The following TUSC3 variants were observed in gnomAD, a reference collection of about 807,000 sequenced individuals.
TUSC3 encodes the protein dolichyl-diphosphooligosaccharide--protein glycosyltransferase subunit TUSC3.
A neutral mutation model predicts 44.8 loss-of-function variants in TUSC3; 45 were observed. The ratio of observed to expected loss-of-function variants is 1.00; its 90% CI spans 0.79 to 1.29. The LOEUF is 1.29. Ranked by LOEUF, TUSC3 falls within the 50% of genes most tolerant of loss-of-function variation. The probability of loss-of-function intolerance (pLI) is 0.00; values close to 1 mark genes in which losing one functional copy is unlikely to be tolerated. For missense variants in TUSC3, 519 were observed against 437.9 expected, an observed-to-expected ratio of 1.19 and a Z score of -1.65; for synonymous variants, 212 against 152.9, an observed-to-expected ratio of 1.39 and a Z score of -2.85.
rs570063203 is a variant in TUSC3, at chr8:15,575,827, CA to C, written c.138+35260del. ...TGCAAATATTATACATAGTTTATATCATTTTTTTGTGGAAATTATACATGTT... is the reference window on the plus strand; with the variant it reads ...TGCAAATATTATACATAGTTTATATCTTTTTTTGTGGAAATTATACATGTT... On this transcript the variant is annotated intron_variant, in intron 1 of 10. Transcript: ENST00000503731. Among the ~76,000 whole-genome samples the C allele has an allele frequency of 7.6e-4, 116 of 152,068 alleles. 1 individual carries two copies. The highest frequency in any genetic ancestry group is 3.4e-3 in the Middle Eastern group (1 of 294).
intron 5 of TUSC3, among the ~76,000 whole-genome samples, chr8:15,664,021 C>T (rs1807542632): frequency 6.6e-6 from 1 of 151,776 alleles, no homozygotes; most frequent in South Asian, 2.1e-4. Context: ...ATTCTTATTC[C>T]TCAAGAAGAG....
At chr8:15,520,522 CAA>C in intron 2 of TUSC3, among the ~76,000 whole-genome samples, 1 of 152,276 alleles carries the variant, frequency 6.6e-6, no homozygotes, top group African/African-American at 2.4e-5. Flanking sequence ...TCTATGAAAT[CAA>C]AAGAGTCCTA....
chr8:15,736,803 A>G (rs2604340), intron 7 of TUSC3, among the ~76,000 whole-genome samples: 105,642 of 151,942 alleles, frequency 0.7, 37,035 homozygotes, highest in Admixed American at 0.73. Flanking sequence ...AACCAGATCA[A>G]ATTAGTTTCC....
At position 15,620,923 on chromosome 8, in the gene TUSC3, A is replaced by G. The variant is rs538159879; in HGVS notation, c.139-2157A>G. Reference sequence around the variant, plus strand: ...CATATTTGGTATAAATGGGATTTTTAAATGAGAAAAACAGTAAGATTATTG... The same window carrying G: ...CATATTTGGTATAAATGGGATTTTTGAATGAGAAAAACAGTAAGATTATTG... On this transcript the variant is annotated intron_variant, in intron 1 of 10. Coordinates refer to ENST00000503731, the MANE Select transcript of TUSC3 (RefSeq NM_006765.4). Among the ~76,000 whole-genome samples, 12 of 152,262 alleles carry G rather than the reference A, an allele frequency of 7.9e-5. No homozygotes were observed. The East Asian group carries it at 2.3e-3, about 29-fold the overall frequency.
intron 6 of TUSC3, among the ~76,000 whole-genome samples, chr8:15,703,879 A>G (rs995469489): frequency 6.6e-6 from 1 of 152,130 alleles, no homozygotes; most frequent in African/African-American, 2.4e-5. Context: ...ATAGCACTGT[A>G]TTCATTAGCT....
chr8:15,546,170 ATTTC>A, intron 1 of TUSC3, among the ~76,000 whole-genome samples: 1 of 151,866 alleles, frequency 6.6e-6, no homozygotes, highest in Admixed American at 6.6e-5. Context: ...TCCAGTCTTT[ATTTC>A]TATCTTTTGG....
Position 15,540,405 on chromosome 8 carries a change from C to T in TUSC3, c.-26C>T. The T allele has an allele frequency of 6.5e-7, 1 of 1,548,174 alleles. No individual in the cohort carries two copies. The highest frequency in any genetic ancestry group is 8.7e-7 in the Non-Finnish European group (1 of 1,148,104). ...GAGCTGGGCGCGCACGGCTACCGCG[C>T]GTGGAGGAGACACTGCCCTGCCGCG... On this transcript the variant is annotated 5_prime_UTR_variant, in exon 1 of 11. Transcript: ENST00000503731.
At chr8:15,535,097 A>G (rs562400593) in intron 2 of TUSC3, among the ~76,000 whole-genome samples, 30 of 152,368 alleles carry the variant, frequency 2.0e-4, no homozygotes, top group Non-Finnish European at 3.4e-4. Context: ...TCATGTGTTA[A>G]GTAAATTATC....
At chr8:15,511,969 C>T (rs1396487006) in intron 2 of TUSC3, among the ~76,000 whole-genome samples, 6 of 152,060 alleles carry the variant, frequency 3.9e-5, no homozygotes, top group Admixed American at 6.6e-5. Context: ...TCAATACAAT[C>T]CCCATCCAAG....
At chr8:15,760,800 C>T (rs761900657) in intron 10 of TUSC3, among the ~76,000 whole-genome samples, 1 of 152,148 alleles carries the variant, frequency 6.6e-6, no homozygotes, top group African/African-American at 2.4e-5. Context: ...TGCTAACTCC[C>T]GGTTTAGCCA....
intron 2 of TUSC3, among the ~76,000 whole-genome samples, chr8:15,516,687 T>C (rs955807658): frequency 2.6e-5 from 4 of 152,198 alleles, no homozygotes; most frequent in Non-Finnish European, 5.9e-5. Flanking sequence ...CTTTCACTTT[T>C]GGCAGGCCAT....
Position 15,740,154 on chromosome 8 carries a change from G to C in TUSC3, c.863-3384G>C, listed in dbSNP as rs183538141. 2.6e-5 allele frequency among the ~76,000 whole-genome samples: 4 copies of C among 152,234 alleles called. No homozygotes were observed. The East Asian group carries it at 7.7e-4, about 29-fold the overall frequency. On this transcript the variant is annotated intron_variant, in intron 7 of 10. Transcript: ENST00000503731. ...TCTGACAAGATTGAATTTGAACAGA[G>C]ACCCAGTGGAAGTGAGGGAGTAAAT...
rs140549749 is a variant in TUSC3 at position 15,727,552 on chromosome 8, G to T, written c.799-3114G>T. Among the ~76,000 whole-genome samples the T allele has an allele frequency of 6.5e-3, 996 of 152,198 alleles. 14 individuals are homozygous for T. The highest frequency in any genetic ancestry group is 0.023 in the African/African-American group (947 of 41,534). On this transcript the variant is annotated intron_variant, in intron 6 of 10. Coordinates refer to ENST00000503731, the MANE Select transcript of TUSC3 (RefSeq NM_006765.4). ...TAAGTAAATCCTGAAGGCTCGTAGG[G>T]TATCTGGTTTTGATGTGATTTTGAA...
chr8:15,580,896 A>G (rs1415486707), intron 1 of TUSC3, among the ~76,000 whole-genome samples: 1 of 138,290 alleles, frequency 7.2e-6, no homozygotes, highest in African/African-American at 2.9e-5. Context: ...TCTCCTGGAT[A>G]ATATCCTGCA....
intron 1 of TUSC3, among the ~76,000 whole-genome samples, chr8:15,461,097 G>T (rs577171613): frequency 1.3e-5 from 2 of 152,248 alleles, no homozygotes; most frequent in East Asian, 1.9e-4. Context: ...GGATTGCATT[G>T]AATGTGTAGA....
chr8:15,690,404 T>G (rs1037291258), intron 6 of TUSC3, among the ~76,000 whole-genome samples: 1 of 152,110 alleles, frequency 6.6e-6, no homozygotes, highest in Non-Finnish European at 1.5e-5. Flanking sequence ...ATATTAGACC[T>G]TTGTCAAATG....
chr8:15,628,352 T>C (rs780530523), intron 2 of TUSC3, among the ~76,000 whole-genome samples: 3 of 152,186 alleles, frequency 2.0e-5, no homozygotes, highest in Admixed American at 6.5e-5. Context: ...ACTTAATGCA[T>C]TTTGGTGTTA....
intron 2 of TUSC3, among the ~76,000 whole-genome samples, chr8:15,497,852 C>T (rs1228460039): frequency 1.3e-5 from 2 of 151,784 alleles, no homozygotes; most frequent in African/African-American, 2.4e-5. Context: ...TCAAGTGATT[C>T]TCCTGCCTCA....
chr8:15,501,926 C>G (rs1317532052), intron 2 of TUSC3, among the ~76,000 whole-genome samples: 2 of 152,208 alleles, frequency 1.3e-5, no homozygotes, highest in African/African-American at 2.4e-5. Flanking sequence ...CAGTCTTGAT[C>G]TCTGGAAGTA....
Sources: allele counts gnomAD v4.1 joint callset (sites outside exome capture counted in the v4.1 genomes callset), GRCh38; gene constraint gnomAD v4.1.1; transcripts MANE v1.5; gene names NCBI Gene and HGNC (gene_info 2026-07-23, HGNC 2026-07-21).